PARD3B: variants seen among roughly 807,000 people sequenced by gnomAD.
PARD3B encodes partitioning defective 3 homolog B.
In PARD3B, 103 loss-of-function variants were observed where a neutral mutation model predicts 130.2. That is an observed-to-expected ratio of 0.79 (90% CI 0.67 to 0.93). The LOEUF (loss-of-function observed/expected upper bound fraction) is 0.93. PARD3B is among the 40% of genes least tolerant of loss of function. The pLI is 0.00. For synonymous variants in PARD3B, 583 were observed against 553.2 expected (o/e 1.05, Z -0.76); for missense variants, 1,609 against 1,499.2 (o/e 1.07, Z -1.21).
rs117362327 is a variant in PARD3B, at chr2:205,481,960, A to G, written c.3045-17936A>G. ...TAAGACATTGGCTCATTTCAAGTTCAAGTGTGGAGCAAGGGTGAGCATGGC... is the reference window on the plus strand; with the variant it reads ...TAAGACATTGGCTCATTTCAAGTTCGAGTGTGGAGCAAGGGTGAGCATGGC... On this transcript the variant is annotated intron_variant, in intron 20 of 22. Coordinates refer to ENST00000406610, the MANE Select transcript of PARD3B (RefSeq NM_001302769.2). 2.3e-4 allele frequency among the ~76,000 whole-genome samples: 35 copies of G among 152,310 alleles called. 1 individual carries two copies. The East Asian group carries it at 6.4e-3, about 28-fold the overall frequency.
chr2:205,188,783 CAA>C (rs68034154), intron 14 of PARD3B, among the ~76,000 whole-genome samples: 123 of 97,368 alleles, frequency 1.3e-3, no homozygotes, highest in Middle Eastern at 6.0e-3. Context: ...TTCTGCCTTT[CAA>C]AAAAAAAAAA....
intron 1 of PARD3B, among the ~76,000 whole-genome samples, chr2:204,564,065 C>T (rs889350511): frequency 6.6e-6 from 1 of 152,198 alleles, no homozygotes; most frequent in African/African-American, 2.4e-5. Flanking sequence ...TGAGCCACTG[C>T]GCCCGGCCAG....
At chr2:205,400,513 A>C (rs2046211938) in intron 18 of PARD3B, among the ~76,000 whole-genome samples, 1 of 151,898 alleles carries the variant, frequency 6.6e-6, no homozygotes, top group African/African-American at 2.4e-5. Context: ...TGGTGGTGTG[A>C]ACCTGTAATC....
intron 20 of PARD3B, among the ~76,000 whole-genome samples, chr2:205,459,207 T>C (rs1476685943): frequency 6.6e-6 from 1 of 152,204 alleles, no homozygotes; most frequent in African/African-American, 2.4e-5. Context: ...CTCAGTTCAG[T>C]GTGCTTACCT....
intron 20 of PARD3B, among the ~76,000 whole-genome samples, chr2:205,478,672 A>T (rs1165517294): frequency 6.6e-6 from 1 of 152,210 alleles, no homozygotes; most frequent in Non-Finnish European, 1.5e-5. Context: ...TAATCAGAGT[A>T]GAGTGCTATT....
intron 2 of PARD3B, among the ~76,000 whole-genome samples, chr2:204,880,027 T>C (rs545282229): frequency 1.3e-5 from 2 of 152,312 alleles, no homozygotes; most frequent in South Asian, 4.1e-4. Flanking sequence ...TAAGCATCCT[T>C]TTTTATTGAT....
chr2:204,901,645 C>CT (rs1194369382), intron 2 of PARD3B, among the ~76,000 whole-genome samples: 3 of 151,794 alleles, frequency 2.0e-5, no homozygotes, highest in Non-Finnish European at 4.4e-5. Flanking sequence ...ATTCCCTCTC[C>CT]TTGTCTCAAG....
chr2:205,420,124 C>T lies in PARD3B; in HGVS notation c.2741+19001C>T, dbSNP rs147988035. ...AGCATTGATTAAAAGTATCTACTCT[C>T]TGTCTAGGGTTCCAGGTGGAATTGA... On this transcript the variant is annotated intron_variant, in intron 19 of 22. Coordinates refer to ENST00000406610, the MANE Select transcript of PARD3B (RefSeq NM_001302769.2). Among the ~76,000 whole-genome samples the T allele has an allele frequency of 2.5e-3, 375 of 152,308 alleles. 7 individuals carry two copies. The highest frequency in any genetic ancestry group is 8.6e-3 in the African/African-American group (359 of 41,576).
intron 3 of PARD3B, among the ~76,000 whole-genome samples, chr2:205,037,599 A>C (rs554893861): frequency 1.3e-5 from 2 of 148,310 alleles, no homozygotes; most frequent in Non-Finnish European, 3.0e-5. Flanking sequence ...TCGACTATAT[A>C]TATTTTATAT....
intron 4 of PARD3B, among the ~76,000 whole-genome samples, chr2:205,057,924 A>G (rs1477396433): frequency 6.6e-6 from 1 of 151,664 alleles, no homozygotes; most frequent in Non-Finnish European, 1.5e-5. Context: ...TAAAATATAT[A>G]TATTTACTGT....
intron 2 of PARD3B, among the ~76,000 whole-genome samples, chr2:204,964,453 C>T (rs546038288): frequency 6.6e-6 from 1 of 152,032 alleles, no homozygotes; most frequent in African/African-American, 2.4e-5. Flanking sequence ...ATAGTTCTCA[C>T]GTAAAATAAG....
rs987029246 is a variant in PARD3B, at chr2:204,689,538, G to A, written c.222+3256G>A. ...TCTTTGGGATAAATATCTAAGAATT[G>A]TAATTTTACACTCATGTCTCCTCTC... On this transcript the variant is annotated intron_variant, in intron 2 of 22. Coordinates refer to ENST00000406610, the MANE Select transcript of PARD3B (RefSeq NM_001302769.2). This position sits in a 1 kb window ranked among gnomAD's most constrained non-coding sequence, Gnocchi z 5.2. 1.3e-5 allele frequency among the ~76,000 whole-genome samples: 2 copies of A among 152,118 alleles called. No homozygotes were observed. The highest frequency in any genetic ancestry group is 2.9e-5 in the Non-Finnish European group (2 of 68,010).
chr2:205,198,360 A>T (rs558570869), intron 15 of PARD3B, among the ~76,000 whole-genome samples: 1 of 152,214 alleles, frequency 6.6e-6, no homozygotes, highest in East Asian at 1.9e-4. Context: ...CTGACAATGA[A>T]GATTGTTAAC....
intron 18 of PARD3B, among the ~76,000 whole-genome samples, chr2:205,324,655 G>C (rs1164115398): frequency 1.3e-5 from 2 of 151,726 alleles, no homozygotes; most frequent in East Asian, 3.9e-4. Flanking sequence ...TTCTCTCAGG[G>C]CATTCCTGTT....
At chr2:205,422,465 C>A (rs1304878642) in intron 19 of PARD3B, among the ~76,000 whole-genome samples, 1 of 152,202 alleles carries the variant, frequency 6.6e-6, no homozygotes, top group Non-Finnish European at 1.5e-5. Context: ...ATGAAGGGAG[C>A]TATCTGGCCA....
intron 2 of PARD3B, among the ~76,000 whole-genome samples, chr2:204,770,533 G>T (rs979858287): frequency 6.6e-6 from 1 of 151,988 alleles, no homozygotes; most frequent in Non-Finnish European, 1.5e-5. Flanking sequence ...TTGGTGCAGA[G>T]CTGAGTTTCT....
chr2:204,612,414 A>G (rs1392330822), intron 1 of PARD3B, among the ~76,000 whole-genome samples: 3 of 152,200 alleles, frequency 2.0e-5, no homozygotes, highest in South Asian at 2.1e-4. Context: ...GAAACGTTAG[A>G]TAGGAGACTG....
chr2:204,588,138 A>C (rs1210766684), intron 1 of PARD3B, among the ~76,000 whole-genome samples: 1 of 152,134 alleles, frequency 6.6e-6, no homozygotes, highest in African/African-American at 2.4e-5. Context: ...ATGGTATCTG[A>C]CTTTAGAACA....
intron 2 of PARD3B, among the ~76,000 whole-genome samples, chr2:204,801,250 GAA>G (rs2042557490): frequency 6.6e-6 from 1 of 152,188 alleles, no homozygotes; most frequent in African/African-American, 2.4e-5. Context: ...ATTCTGTGAA[GAA>G]AGTCAGTCGT....
Sources: gnomAD v4.1 joint callset for allele counts (sites outside exome capture counted in the v4.1 genomes callset) on GRCh38, gnomAD v4.1.1 for gene constraint, Gnocchi (gnomAD v3.1) non-coding constraint, MANE v1.5 for transcripts, NCBI Gene and HGNC (gene_info 2026-07-23, HGNC 2026-07-21) for gene names.